Variants in LIX1L observed in about 807,000 individuals in gnomAD.
LIX1L encodes LIX1-like protein.
Under a neutral mutation model 34.0 loss-of-function variants are expected in LIX1L, and 20 were observed. The ratio of observed to expected loss-of-function variants is 0.59; its 90% CI spans 0.41 to 0.85. The LOEUF is 0.85. Ranked by LOEUF, LIX1L falls within the 40% of genes least tolerant of loss-of-function variation. The pLI, the probability that LIX1L is intolerant of heterozygous loss-of-function variation, is 0.00. For synonymous variants in LIX1L, 170 were observed against 187.4 expected (o/e 0.91, Z 0.76); for missense variants, 397 against 447.0 (o/e 0.89, Z 1.01).
chr1:145,940,450 G>A (rs1349001703), intron 3 of LIX1L, among the ~76,000 whole-genome samples: 6 of 150,404 alleles, frequency 4.0e-5, no homozygotes, highest in African/African-American at 9.8e-5. Context: ...AGGTTCAAGC[G>A]AGTCTCATTC....
intron 2 of LIX1L, among the ~76,000 whole-genome samples, chr1:145,945,644 A>G (rs1236527414): frequency 6.6e-6 from 1 of 150,456 alleles, no homozygotes; most frequent in Non-Finnish European, 1.5e-5. Context: ...GCTACTTGGG[A>G]GGCTGAGGCA....
At chr1:145,942,940 A>T in intron 2 of LIX1L, 87 bp from the exon 3 acceptor site, 1 of 1,298,662 alleles carries the variant, frequency 7.7e-7, no homozygotes, top group Non-Finnish European at 1.1e-6. Flanking sequence ...CTTCAGATAG[A>T]AAACACTTGG....
Position 145,936,160 on chromosome 1 carries a change from G to A in LIX1L, c.*150C>T, listed in dbSNP as rs781827229. 51 of 900,594 alleles carry A rather than the reference G, an allele frequency of 5.7e-5. No individual in the cohort carries two copies. Among genetic ancestry groups the A allele is most frequent in the Non-Finnish European group, 7.6e-5 (47 of 621,806 alleles). 55.8% of individuals were successfully genotyped at this position (900,594 alleles called of 1,614,324 possible). On this transcript the variant is annotated 3_prime_UTR_variant, in exon 6 of 6. Transcript: ENST00000604000. Reference sequence around the variant, plus strand: ...TGGTAGTAAGAAAAGGGATCTCTTAGCAAATAGGAATCTAGGTGTAGAATT... The same window carrying A: ...TGGTAGTAAGAAAAGGGATCTCTTAACAAATAGGAATCTAGGTGTAGAATT...
chr1:145,953,812 G>A (rs1649379313), intron 1 of LIX1L, among the ~76,000 whole-genome samples: 1 of 152,156 alleles, frequency 6.6e-6, no homozygotes, highest in African/African-American at 2.4e-5. Flanking sequence ...CCAGCACTTT[G>A]GGAGGCCAAA....
chr1:145,952,394 T>C (rs1263623561), intron 1 of LIX1L, among the ~76,000 whole-genome samples: 1 of 152,128 alleles, frequency 6.6e-6, no homozygotes, highest in Non-Finnish European at 1.5e-5. Context: ...AACAGTGAGG[T>C]GGGAGGGTAG....
chr1:145,945,995 T>C (rs1185183315), intron 2 of LIX1L, among the ~76,000 whole-genome samples: 9 of 148,958 alleles, frequency 6.0e-5, no homozygotes, highest in Non-Finnish European at 1.2e-4. Flanking sequence ...TCCTAGCTAC[T>C]GGGGAAGGTG....
chr1:145,957,506 G>T, intron 1 of LIX1L, 130 bp downstream of exon 1: 1 of 1,272,054 alleles, frequency 7.9e-7, no homozygotes, highest in Non-Finnish European at 1.0e-6. Flanking sequence ...CGTGTGCGTA[G>T]CCCAGAAGGA....
intron 1 of LIX1L, among the ~76,000 whole-genome samples, chr1:145,949,897 A>C (rs954249482): frequency 6.6e-6 from 1 of 151,298 alleles, no homozygotes; most frequent in Non-Finnish European, 1.5e-5. Context: ...GCTCACTGCA[A>C]CCTCCACCTC....
rs759212289 is a variant in LIX1L at position 145,948,266 on chromosome 1, A to T, written c.293-484T>A. 2.6e-5 allele frequency among the ~76,000 whole-genome samples: 4 copies of T among 152,232 alleles called. No individual in the cohort carries two copies. The highest frequency in any genetic ancestry group is 5.9e-5 in the Non-Finnish European group (4 of 68,042). On this transcript the variant is annotated intron_variant, in intron 1 of 5. Transcript: ENST00000604000. This position sits in a 1 kb window ranked among gnomAD's most constrained non-coding sequence, Gnocchi z 4.0. ...TTTCTGTAACTGCTTTACGTGTTTA[A>T]TCACAGCAACTTTATGAAGCAGATA... is the stretch of plus-strand genomic sequence containing the variant.
chr1:145,934,464 C>G lies in LIX1L; in HGVS notation c.*1846G>C, dbSNP rs1253376944. On this transcript the variant is annotated 3_prime_UTR_variant, in exon 6 of 6. Coordinates refer to ENST00000604000, the MANE Select transcript of LIX1L (RefSeq NM_153713.3). The stretch of plus-strand genomic sequence containing the variant: ...TGGCGGGCGCCTGTAGTCCCAGCTA[C>G]TAAGGAGGCTGAGGCAGGAGAGTGG... 2.0e-5 allele frequency: 3 copies of G among 151,676 alleles called. No individual in the cohort carries two copies. Among genetic ancestry groups the G allele is most frequent in the African/African-American group, 7.3e-5 (3 of 41,194 alleles). 9.4% of individuals were successfully genotyped at this position (151,676 alleles called of 1,614,324 possible). A position where few individuals can be genotyped will look rare whatever the true frequency, so the allele number is the denominator to read the frequency against.
intron 2 of LIX1L, among the ~76,000 whole-genome samples, chr1:145,946,027 C>T (rs1340797681): frequency 6.6e-6 from 1 of 151,124 alleles, no homozygotes; most frequent in Non-Finnish European, 1.5e-5. Context: ...TCACTTGAGC[C>T]CAGGAGGCGG....
rs1363677959 is a variant in LIX1L at position 145,948,155 on chromosome 1, A to T, written c.293-373T>A. Among the ~76,000 whole-genome samples the T allele has an allele frequency of 6.6e-6, 1 of 152,232 alleles. No homozygotes were observed. Among genetic ancestry groups the T allele is most frequent in the Non-Finnish European group, 1.5e-5 (1 of 68,042 alleles). Reference sequence around the variant, plus strand: ...TATCACTGCCTGATGAAATACAAGCAGATTATTCCACAGTTGGTTAGCTGG... The same window carrying T: ...TATCACTGCCTGATGAAATACAAGCTGATTATTCCACAGTTGGTTAGCTGG... On this transcript the variant is annotated intron_variant, in intron 1 of 5. Transcript: ENST00000604000. The surrounding 1 kb of genome is among the most constrained non-coding windows in gnomAD (Gnocchi z 4.0).
At chr1:145,956,324 C>T (rs74386997) in intron 1 of LIX1L, among the ~76,000 whole-genome samples, 3,951 of 152,172 alleles carry the variant, frequency 0.026, 205 homozygotes, top group African/African-American at 0.091. Flanking sequence ...TTTGGGTTTA[C>T]ATTATTAGGA....
intron 1 of LIX1L, among the ~76,000 whole-genome samples, chr1:145,956,867 A>C (rs781890495): frequency 6.6e-6 from 1 of 152,342 alleles, no homozygotes. Flanking sequence ...ACTGAAATAG[A>C]GTTTCTAACC....
At chr1:145,936,709 G>T in intron 5 of LIX1L, 157 bp from the exon 6 acceptor site, 1 of 894,462 alleles carries the variant, frequency 1.1e-6, no homozygotes, top group Non-Finnish European at 1.7e-6. Context: ...CCTGCTACGG[G>T]AAGCAAGATA....
chr1:145,949,131 A>C (rs1649203144), intron 1 of LIX1L: 1 of 152,236 alleles, frequency 6.6e-6, no homozygotes, highest in African/African-American at 2.4e-5. Context: ...GGCTAAAATC[A>C]AACTCCAGAC....
At chr1:145,945,167 T>C (rs1001944442) in intron 2 of LIX1L, among the ~76,000 whole-genome samples, 4 of 149,406 alleles carry the variant, frequency 2.7e-5, no homozygotes, top group African/African-American at 9.9e-5. Context: ...AATACAAAAA[T>C]ACAAAAATTA....
rs1648649668 is a variant in LIX1L at position 145,936,492 on chromosome 1, A to G, written c.832T>C (p.Leu278=). The G allele has an allele frequency of 6.2e-7, 1 of 1,614,058 alleles. No homozygotes were observed. Among genetic ancestry groups the G allele is most frequent in the Admixed American group, 1.7e-5 (1 of 59,986 alleles). ...LDDDIRHQMA[L]DWVSREQSVP... ...CTCTGCTCCCGGCTCACCCAGTCCA[A>G]GGCCATTTGGTGGCGAATATCATCA... Residue 278 remains leucine (L), a synonymous_variant, in exon 6 of 6, where the codon TTG becomes CTG. Coordinates refer to ENST00000604000, the MANE Select transcript of LIX1L (RefSeq NM_153713.3).
At chr1:145,936,705 A>T in intron 5 of LIX1L, 153 bp from the exon 6 acceptor site, 1 of 909,990 alleles carries the variant, frequency 1.1e-6, no homozygotes. Context: ...ACTTCCTGCT[A>T]CGGGAAGCAA....
Sources: allele counts gnomAD v4.1 joint callset (sites outside exome capture counted in the v4.1 genomes callset), GRCh38; gene constraint gnomAD v4.1.1; non-coding constraint Gnocchi (gnomAD v3.1); transcripts MANE v1.5; gene names NCBI Gene and HGNC (gene_info 2026-07-23, HGNC 2026-07-21).